ABCA10: variants seen among roughly 807,000 people sequenced by gnomAD.
ABCA10 encodes the protein ATP-binding cassette sub-family A member 10.
In ABCA10, 169 loss-of-function variants were observed where a neutral mutation model predicts 187.5. The observed-to-expected ratio is 0.90, with a 90% CI of 0.80 to 1.02. ABCA10 has a LOEUF of 1.02. ABCA10 is among the 50% of genes least tolerant of loss of function. ABCA10 has a pLI of 0.00. For synonymous variants in ABCA10, 574 were observed against 601.8 expected, an observed-to-expected ratio of 0.95 and a Z score of 0.68; for missense variants, 1,727 against 1,812.4, an observed-to-expected ratio of 0.95 and a Z score of 0.86.
chr17:69,160,431 ACC>A (rs929756884), intron 27 of ABCA10, among the ~76,000 whole-genome samples: 6 of 151,944 alleles, frequency 3.9e-5, no homozygotes, highest in African/African-American at 1.5e-4. Context: ...ACATGGTGAA[ACC>A]CCCTCTCTAC....
In ABCA10 at chr17:69,187,883, C is replaced by A. The variant is rs760753425; in HGVS notation, c.2132-4G>T. On this transcript the variant is annotated splice_region_variant and splice_polypyrimidine_tract_variant and intron_variant, in intron 18 of 38. Coordinates refer to ENST00000690296, the MANE Select transcript of ABCA10 (RefSeq NM_001377321.1). ...TCTTGTTTCCCAATGTCAAAATCTACAATCATGTAATAAAACATTTTAATA... is the reference window on the plus strand; with the variant it reads ...TCTTGTTTCCCAATGTCAAAATCTAAAATCATGTAATAAAACATTTTAATA... 48 of 1,612,122 alleles carry A rather than the reference C, an allele frequency of 3.0e-5. No individual in the cohort carries two copies. The South Asian group carries it at 3.8e-4, about 13-fold the overall frequency.
At chr17:69,198,272 A>T (rs940356779) in intron 10 of ABCA10, among the ~76,000 whole-genome samples, 1 of 152,040 alleles carries the variant, frequency 6.6e-6, no homozygotes, top group Non-Finnish European at 1.5e-5. Flanking sequence ...TCTGTGCTTT[A>T]TTTTTAATTG....
At chr17:69,186,873 A>G (rs1367454798) in intron 19 of ABCA10, among the ~76,000 whole-genome samples, 1 of 152,138 alleles carries the variant, frequency 6.6e-6, no homozygotes, top group Non-Finnish European at 1.5e-5. Context: ...TGTAAACACC[A>G]TTAGAGTAGG....
chr17:69,193,695 T>C, intron 13 of ABCA10, 83 bp from the exon 14 acceptor site: 1 of 1,547,696 alleles, frequency 6.5e-7, no homozygotes, highest in Admixed American at 2.0e-5. Flanking sequence ...AAGGATTTAG[T>C]CTAGAACTTC....
chr17:69,240,470 G>A (rs1188820486), intron 1 of ABCA10, among the ~76,000 whole-genome samples: 1 of 152,188 alleles, frequency 6.6e-6, no homozygotes, highest in Admixed American at 6.5e-5. Flanking sequence ...ATCCACAGGA[G>A]CCTGAACAAT....
chr17:69,202,757 AT>A (rs2144818641), intron 9 of ABCA10, among the ~76,000 whole-genome samples: 1 of 139,984 alleles, frequency 7.1e-6, no homozygotes, highest in African/African-American at 2.7e-5. Flanking sequence ...TCAATTAAAA[AT>A]GGCTTGACAG....
At chr17:69,187,551 G>T in intron 19 of ABCA10, 130 bp downstream of exon 19, 1 of 1,001,018 alleles carries the variant, frequency 1.0e-6, no homozygotes, top group Non-Finnish European at 1.4e-6. Flanking sequence ...CTTTTCCTCA[G>T]TAACAGCAGG....
At chr17:69,244,107 G>C (rs542243648) in intron 1 of ABCA10, among the ~76,000 whole-genome samples, 1 of 152,166 alleles carries the variant, frequency 6.6e-6, no homozygotes, top group South Asian at 2.1e-4. Context: ...AAATATCTGA[G>C]AGTAACTGAA....
intron 22 of ABCA10, among the ~76,000 whole-genome samples, chr17:69,181,781 G>C (rs1167317346): frequency 6.6e-6 from 1 of 151,698 alleles, no homozygotes; most frequent in Non-Finnish European, 1.5e-5. Context: ...GCTCCATATG[G>C]GTGAGATTTT....
At chr17:69,197,383 G>GAA (rs377170265) in intron 10 of ABCA10, among the ~76,000 whole-genome samples, 1 of 141,952 alleles carries the variant, frequency 7.0e-6, no homozygotes. Context: ...AGCTAAAATT[G>GAA]AAAAAAAAAA....
At chr17:69,182,835 G>GAAAAAAAA (rs60708995) in intron 20 of ABCA10, 27 bp from the exon 21 acceptor site, 7 of 1,326,460 alleles carry the variant, frequency 5.3e-6, no homozygotes, top group East Asian at 2.6e-5. Flanking sequence ...AAGGCAACAA[G>GAAAAAAAA]AAAAAAAAAA....
At chr17:69,171,555 G>A (rs1326554366) in intron 25 of ABCA10, among the ~76,000 whole-genome samples, 1 of 152,192 alleles carries the variant, frequency 6.6e-6, no homozygotes, top group Non-Finnish European at 1.5e-5. Flanking sequence ...AATATCTGAA[G>A]TGGTATTGGC....
chr17:69,207,407 A>C (rs1176504233), intron 9 of ABCA10, among the ~76,000 whole-genome samples: 1 of 152,242 alleles, frequency 6.6e-6, no homozygotes, highest in Non-Finnish European at 1.5e-5. Context: ...TAAGGGAAGG[A>C]AGCCATTACA....
At chr17:69,225,862 T>C (rs1906140048) in intron 2 of ABCA10, among the ~76,000 whole-genome samples, 1 of 152,072 alleles carries the variant, frequency 6.6e-6, no homozygotes, top group Non-Finnish European at 1.5e-5. Flanking sequence ...GCCAAAAATA[T>C]TTAACCAGAA....
chr17:69,200,162 T>C (rs1021030226), intron 10 of ABCA10, among the ~76,000 whole-genome samples: 1 of 152,222 alleles, frequency 6.6e-6, no homozygotes, highest in African/African-American at 2.4e-5. Flanking sequence ...ACTGATTTAG[T>C]ATATTTGGGA....
intron 27 of ABCA10, among the ~76,000 whole-genome samples, chr17:69,163,345 G>A (rs2074232314): frequency 6.6e-6 from 1 of 152,140 alleles, no homozygotes; most frequent in Non-Finnish European, 1.5e-5. Context: ...ATTAAGTCTT[G>A]AAGGTTCCAG....
intron 15 of ABCA10, 77 bp from the exon 16 acceptor site, chr17:69,192,730 A>C (rs1248577424): frequency 8.1e-7 from 1 of 1,238,952 alleles, no homozygotes; most frequent in African/African-American, 1.5e-5. Context: ...TTGGATACTA[A>C]AACACTGAAT....
chr17:69,179,871 T>G (rs1710741693), intron 22 of ABCA10, among the ~76,000 whole-genome samples: 1 of 152,198 alleles, frequency 6.6e-6, no homozygotes, highest in African/African-American at 2.4e-5. Context: ...TTTTATTAAA[T>G]GCAGGGTGAA....
At chr17:69,212,153 C>T (rs1325132811) in intron 9 of ABCA10, among the ~76,000 whole-genome samples, 2 of 152,030 alleles carry the variant, frequency 1.3e-5, no homozygotes, top group Middle Eastern at 3.2e-3. Context: ...TTTTCTGTAT[C>T]GCAGGGGTTT....
Sources: gnomAD v4.1 joint callset for allele counts (sites outside exome capture counted in the v4.1 genomes callset) on GRCh38, gnomAD v4.1.1 for gene constraint, MANE v1.5 for transcripts, NCBI Gene and HGNC (gene_info 2026-07-23, HGNC 2026-07-21) for gene names.